The following DCDC1 variants were observed in gnomAD, a reference collection of about 807,000 sequenced individuals.
DCDC1 encodes the protein doublecortin domain containing 1.
DCDC1 carries 200 observed loss-of-function variants against 178.3 expected under a neutral mutation model. That is an observed-to-expected ratio of 1.12 (90% CI 1.00 to 1.26). The LOEUF (loss-of-function observed/expected upper bound fraction) is 1.26, where lower values mean the gene tolerates loss of function less well. Among genes scored for constraint, DCDC1 ranks in the 50% most tolerant of loss-of-function variants. DCDC1 has a pLI of 0.00. For synonymous variants in DCDC1, 690 were observed against 604.8 expected, an observed-to-expected ratio of 1.14 and a Z score of -2.07; for missense variants, 1,983 against 1,749.2, an observed-to-expected ratio of 1.13 and a Z score of -2.38.
At chr11:31,207,284 T>C (rs2136485367) in intron 9 of DCDC1, among the ~76,000 whole-genome samples, 2 of 152,268 alleles carry the variant, frequency 1.3e-5, no homozygotes, top group East Asian at 3.9e-4. Flanking sequence ...ATTATTCAGG[T>C]GATATTATAA....
chr11:31,226,083 A>G (rs1260297052), intron 9 of DCDC1, among the ~76,000 whole-genome samples: 1 of 152,088 alleles, frequency 6.6e-6, no homozygotes, highest in African/African-American at 2.4e-5. Flanking sequence ...GAGGAAAGAT[A>G]GTATTTGTAT....
chr11:30,922,377 A>T, intron 24 of DCDC1, 126 bp downstream of exon 24: 1 of 1,115,904 alleles, frequency 9.0e-7, no homozygotes, highest in Non-Finnish European at 1.2e-6. Flanking sequence ...TAGTTTAAAG[A>T]GTTAAACAGC....
chr11:31,041,100 T>A (rs1954416818), intron 20 of DCDC1, among the ~76,000 whole-genome samples: 1 of 152,224 alleles, frequency 6.6e-6, no homozygotes, highest in Non-Finnish European at 1.5e-5. Context: ...CAACAATACT[T>A]CTTGAGTTTG....
chr11:31,256,469 T>C (rs796628678), intron 8 of DCDC1, among the ~76,000 whole-genome samples: 1 of 152,190 alleles, frequency 6.6e-6, no homozygotes, highest in African/African-American at 2.4e-5. Context: ...GCTATACTTA[T>C]GGGGTCAAAT....
At chr11:31,236,044 A>G (rs935735722) in intron 9 of DCDC1, among the ~76,000 whole-genome samples, 2 of 152,104 alleles carry the variant, frequency 1.3e-5, no homozygotes, top group African/African-American at 4.8e-5. Flanking sequence ...TATAATTCTA[A>G]GAGAATTAGA....
chr11:30,898,397 A>C (rs1944398569), intron 34 of DCDC1, among the ~76,000 whole-genome samples: 1 of 152,156 alleles, frequency 6.6e-6, no homozygotes, highest in Non-Finnish European at 1.5e-5. Flanking sequence ...TTGGATAATG[A>C]TATATAGCTG....
intron 25 of DCDC1, among the ~76,000 whole-genome samples, chr11:30,918,059 A>G (rs1945981434): frequency 6.6e-6 from 1 of 152,020 alleles, no homozygotes; most frequent in Non-Finnish European, 1.5e-5. Context: ...AAAAAACAAC[A>G]GCGCCATCTT....
At chr11:30,957,345 T>A (rs1948829065) in intron 20 of DCDC1, among the ~76,000 whole-genome samples, 1 of 152,206 alleles carries the variant, frequency 6.6e-6, no homozygotes, top group South Asian at 2.1e-4. Context: ...TCCTTTTTCA[T>A]TCTCTTCCCT....
intron 20 of DCDC1, among the ~76,000 whole-genome samples, chr11:31,012,607 C>CAAAA (rs780824791): frequency 1.3e-5 from 1 of 74,604 alleles, no homozygotes; most frequent in Non-Finnish European, 3.0e-5. Flanking sequence ...CCTGTCTCAA[C>CAAAA]AAAAAAAAAA....
intron 20 of DCDC1, among the ~76,000 whole-genome samples, chr11:31,007,907 C>T (rs1565176925): frequency 6.6e-6 from 1 of 152,108 alleles, no homozygotes; most frequent in Non-Finnish European, 1.5e-5. Context: ...AAGTGATCTG[C>T]CTGCCTCAGC....
At chr11:31,065,978 T>C (rs888924056) in intron 18 of DCDC1, among the ~76,000 whole-genome samples, 8 of 152,108 alleles carry the variant, frequency 5.3e-5, no homozygotes, top group African/African-American at 1.9e-4. Flanking sequence ...TTCTTGTAAC[T>C]ACACCAGCAG....
At chr11:30,986,619 C>T (rs1162154357) in intron 20 of DCDC1, among the ~76,000 whole-genome samples, 1 of 152,088 alleles carries the variant, frequency 6.6e-6, no homozygotes, top group Non-Finnish European at 1.5e-5. Flanking sequence ...GTGTGAGCCA[C>T]CACACCCAGC....
intron 20 of DCDC1, among the ~76,000 whole-genome samples, chr11:31,018,936 A>G (rs953058165): frequency 5.3e-5 from 8 of 152,146 alleles, no homozygotes; most frequent in Non-Finnish European, 1.2e-4. Flanking sequence ...AATAAGGATG[A>G]GATGGGGGAC....
At chr11:31,359,463 T>C (rs569900209) in intron 1 of DCDC1, among the ~76,000 whole-genome samples, 1 of 149,708 alleles carries the variant, frequency 6.7e-6, no homozygotes, top group Non-Finnish European at 1.5e-5. Context: ...AGGGATAGCA[T>C]TGGGAGATAT....
intron 20 of DCDC1, among the ~76,000 whole-genome samples, chr11:31,002,888 C>G (rs1162688989): frequency 6.6e-6 from 1 of 152,030 alleles, no homozygotes; most frequent in Non-Finnish European, 1.5e-5. Context: ...AAAATAATCT[C>G]CCAGTTTTAC....
chr11:31,210,710 CAA>C (rs533444227), intron 9 of DCDC1, among the ~76,000 whole-genome samples: 11 of 51,386 alleles, frequency 2.1e-4, no homozygotes, highest in East Asian at 5.6e-4. Context: ...GACTCCGTCT[CAA>C]AAAAAAAAAA....
At chr11:30,906,829 A>C in intron 29 of DCDC1, 104 bp from the exon 30 acceptor site, 2 of 999,556 alleles carry the variant, frequency 2.0e-6, no homozygotes, top group Non-Finnish European at 2.7e-6. Flanking sequence ...AACACCCCAA[A>C]ATGCTAAATT....
intron 20 of DCDC1, among the ~76,000 whole-genome samples, chr11:31,034,740 C>T (rs1037216028): frequency 2.6e-5 from 4 of 152,188 alleles, no homozygotes; most frequent in Non-Finnish European, 5.9e-5. Flanking sequence ...CCTAAGGATA[C>T]ATTTCACAGA....
intron 20 of DCDC1, among the ~76,000 whole-genome samples, chr11:31,042,862 C>T (rs1954567580): frequency 6.6e-6 from 1 of 152,122 alleles, no homozygotes; most frequent in Non-Finnish European, 1.5e-5. Flanking sequence ...TGTTGGTGCA[C>T]ATGACCTGGA....
Sources: allele counts gnomAD v4.1 joint callset (sites outside exome capture counted in the v4.1 genomes callset), GRCh38; gene constraint gnomAD v4.1.1; transcripts MANE v1.5; gene names NCBI Gene and HGNC (gene_info 2026-07-23, HGNC 2026-07-21).